The following FGFR2 variants were observed in gnomAD, a reference collection of about 807,000 sequenced individuals.
FGFR2 encodes BEK fibroblast growth factor receptor.
FGFR2 carries 19 observed loss-of-function variants against 95.9 expected under a neutral mutation model. The ratio of observed to expected loss-of-function variants is 0.20; its 90% CI spans 0.14 to 0.29. The LOEUF (loss-of-function observed/expected upper bound fraction) is 0.29, where lower values mean the gene tolerates loss of function less well. Ranked by LOEUF, FGFR2 falls within the 10% of genes least tolerant of loss-of-function variation. FGFR2 has a pLI of 1.00. For missense variants in FGFR2, 707 were observed against 1,056.9 expected (o/e 0.67, Z 4.59); for synonymous variants, 392 against 393.3 (o/e 1.00, Z 0.04).
intron 6 of FGFR2, among the ~76,000 whole-genome samples, chr10:121,536,521 C>T (rs1047544134): frequency 6.6e-5 from 10 of 152,174 alleles, no homozygotes; most frequent in Admixed American, 3.3e-4. Context: ...CTGAATCATA[C>T]GCTCTTTTCA....
At chr10:121,520,299 T>C (rs1850349690) in intron 6 of FGFR2, 130 bp from the exon 7 acceptor site, 3 of 884,302 alleles carry the variant, frequency 3.4e-6, no homozygotes, top group South Asian at 3.6e-5. Context: ...CTGACACCTT[T>C]GAAATAACAC....
intron 17 of FGFR2, chr10:121,482,309 A>C: frequency 1.4e-6 from 1 of 714,770 alleles, no homozygotes; most frequent in Non-Finnish European, 2.4e-6. Context: ...TTTCCTTTCA[A>C]CTTCTGAAGG....
rs1420060403 is a variant in FGFR2, at chr10:121,517,407, T to C, written c.996A>G (p.Val332=). The change falls in exon 8 of 18, where the codon GTA becomes GTG. Residue 332 remains valine (V), a synonymous_variant. Coordinates refer to ENST00000358487, the MANE Select transcript of FGFR2 (RefSeq NM_000141.5). The surrounding 1 kb of genome is among the most constrained non-coding windows in gnomAD (Gnocchi z 4.7). The stretch of plus-strand genomic sequence containing the variant: ...TATATTCCCCAGCGTCCTCAAAAGT[T>C]ACATTCCGAATATAGAGAACCTCAA... ...KEIEVLYIRN[V]TFEDAGEYTC... 1 of 1,614,168 alleles carries C rather than the reference T, an allele frequency of 6.2e-7. No homozygotes were observed. The highest frequency in any genetic ancestry group is 8.5e-7 in the Non-Finnish European group (1 of 1,180,030).
At chr10:121,482,262 G>A (rs1354920830) in intron 17 of FGFR2, 25 of 1,341,862 alleles carry the variant, frequency 1.9e-5, no homozygotes, top group Non-Finnish European at 2.4e-5. Flanking sequence ...TTTGGCAGAA[G>A]AAGAAAGTTG....
At chr10:121,597,703 G>C (rs1049202144) in intron 1 of FGFR2, among the ~76,000 whole-genome samples, 2 of 152,254 alleles carry the variant, frequency 1.3e-5, no homozygotes, top group Admixed American at 6.5e-5. Flanking sequence ...TGACAGGGAG[G>C]GGGGCGTCAA....
chr10:121,496,469 T>C (rs2133929892), intron 13 of FGFR2, 63 bp downstream of exon 13: 4 of 1,530,244 alleles, frequency 2.6e-6, no homozygotes, highest in Non-Finnish European at 3.6e-6. Flanking sequence ...CCAAATTGCC[T>C]GTTTTCTTTA....
intron 17 of FGFR2, among the ~76,000 whole-genome samples, chr10:121,481,553 CAA>C (rs1254189658): frequency 6.6e-6 from 1 of 152,150 alleles, no homozygotes; most frequent in Admixed American, 6.5e-5. Flanking sequence ...CCCACCACAT[CAA>C]AAGAGAACTT....
At chr10:121,557,836 G>A (rs1456499181) in intron 4 of FGFR2, among the ~76,000 whole-genome samples, 1 of 152,172 alleles carries the variant, frequency 6.6e-6, no homozygotes, top group Non-Finnish European at 1.5e-5. Flanking sequence ...TCAATGAAAT[G>A]AGTTTGGAAT....
At chr10:121,483,350 GC>G (rs1467005315) in intron 17 of FGFR2, among the ~76,000 whole-genome samples, 2 of 152,114 alleles carry the variant, frequency 1.3e-5, no homozygotes, top group Non-Finnish European at 2.9e-5. Context: ...AATCAAACTT[GC>G]ACAGGAATCC....
At chr10:121,495,234 T>C (rs1317748489) in intron 13 of FGFR2, among the ~76,000 whole-genome samples, 1 of 152,148 alleles carries the variant, frequency 6.6e-6, no homozygotes, top group Non-Finnish European at 1.5e-5. Context: ...AACCTATATA[T>C]TGGGAGATTT....
chr10:121,521,338 C>T lies in FGFR2; in HGVS notation c.749-1169G>A, dbSNP rs2134338564. Among the ~76,000 whole-genome samples the T allele has an allele frequency of 2.6e-5, 4 of 152,322 alleles. 1 individual carries two copies. Among genetic ancestry groups the T allele is most frequent in the Admixed American group, 2.6e-4 (4 of 15,304 alleles). ...GAGAACACGTTCTCAACAAAGAATA[C>T]ACCCTCTCATCTTATGCCTGGAAAG... On this transcript the variant is annotated intron_variant, in intron 6 of 17. Transcript: ENST00000358487.
intron 6 of FGFR2, among the ~76,000 whole-genome samples, chr10:121,525,997 C>T (rs1851315613): frequency 6.6e-6 from 1 of 152,194 alleles, no homozygotes; most frequent in African/African-American, 2.4e-5. Context: ...TCAAAGCCAC[C>T]TCTCTCCGGC....
At chr10:121,521,580 GACGAGATCGGGCGCGTTCCAAATC>G (rs1850548295) in intron 6 of FGFR2, among the ~76,000 whole-genome samples, 1 of 8,852 alleles carries the variant, frequency 1.1e-4, no homozygotes, top group African/African-American at 1.7e-4. Context: ...ATGCAAATCA[GACGAGATCGGGCGCGTTCCAAATC>G]AAAACCACAA....
intron 5 of FGFR2, among the ~76,000 whole-genome samples, chr10:121,543,490 A>C (rs1854059973): frequency 6.6e-6 from 1 of 152,178 alleles, no homozygotes; most frequent in South Asian, 2.1e-4. Context: ...AGCCTGGGTG[A>C]CAGAGTGAGA....
chr10:121,489,233 C>T (rs528570209), intron 13 of FGFR2, among the ~76,000 whole-genome samples: 8 of 152,192 alleles, frequency 5.3e-5, no homozygotes, highest in South Asian at 2.1e-4. Context: ...CCACCACACC[C>T]GGCTAATATT....
chr10:121,515,370 G>A (rs1475261893), intron 8 of FGFR2, 51 bp from the exon 9 acceptor site: 2 of 1,555,166 alleles, frequency 1.3e-6, no homozygotes, highest in Non-Finnish European at 1.8e-6. Flanking sequence ...CATAGAGTTA[G>A]CACACCAGAC....
intron 5 of FGFR2, among the ~76,000 whole-genome samples, chr10:121,544,052 C>G (rs1854146884): frequency 6.6e-6 from 1 of 152,176 alleles, no homozygotes; most frequent in South Asian, 2.1e-4. Context: ...AAACTTATAG[C>G]AAGGACTGGG....
intron 2 of FGFR2, among the ~76,000 whole-genome samples, chr10:121,592,095 C>A (rs1862742389): frequency 1.3e-5 from 2 of 152,224 alleles, no homozygotes; most frequent in South Asian, 4.1e-4. Context: ...TTTTCCCTAA[C>A]CTGGGTTGCT....
intron 6 of FGFR2, chr10:121,538,152 G>A (rs1199823454): frequency 3.4e-6 from 2 of 587,812 alleles, no homozygotes; most frequent in Non-Finnish European, 6.0e-6. Flanking sequence ...CCTTTTTCCA[G>A]CCAGCCACAG....
Sources: allele counts gnomAD v4.1 joint callset (sites outside exome capture counted in the v4.1 genomes callset), GRCh38; gene constraint gnomAD v4.1.1; non-coding constraint Gnocchi (gnomAD v3.1); transcripts MANE v1.5; gene names NCBI Gene and HGNC (gene_info 2026-07-23, HGNC 2026-07-21).